Variants in EME2 observed in about 807,000 individuals in gnomAD.
EME2 encodes essential meiotic structure-specific endonuclease subunit 2.
Under a neutral mutation model 41.9 loss-of-function variants are expected in EME2, and 58 were observed. The observed-to-expected ratio is 1.38, with a 90% CI of 1.12 to 1.72. The LOEUF is 1.72. Ranked by LOEUF, EME2 falls within the 40% of genes most tolerant of loss-of-function variation. The pLI is 0.00. For synonymous variants in EME2, 334 were observed against 239.3 expected, an observed-to-expected ratio of 1.40 and a Z score of -3.65; for missense variants, 695 against 541.9, an observed-to-expected ratio of 1.28 and a Z score of -2.81.
chr16:1,778,153 G>T lies in EME2; in HGVS notation c.*1915G>T. On this transcript the variant is annotated 3_prime_UTR_variant, in exon 8 of 8. Coordinates refer to ENST00000568449, the MANE Select transcript of EME2 (RefSeq NM_001257370.2). ...ACTTACCATGTCGGTGCCGTAGACG[G>T]GAGAGGTCATCTTGATCTCCCAGAA... The T allele has an allele frequency of 6.2e-7, 1 of 1,612,754 alleles. No homozygotes were observed. The highest frequency in any genetic ancestry group is 8.5e-7 in the Non-Finnish European group (1 of 1,179,682).
chr16:1,774,877 C>CACAGAGCTGGTTTTCTCAGAAGGGGTA, intron 3 of EME2, 164 bp from the exon 4 acceptor site: 1 of 681,478 alleles, frequency 1.5e-6, no homozygotes, highest in Non-Finnish European at 2.6e-6. Context: ...TCGTGGGAGG[C>CACAGAGCTGGTTTTCTCAGAAGGGGTA]ACAGAGCTGG....
chr16:1,775,934 C>A lies in EME2; in HGVS notation c.917C>A (p.Ala306Asp). The A allele has an allele frequency of 1.4e-5, 22 of 1,611,856 alleles. No individual in the cohort carries two copies. The highest frequency in any genetic ancestry group is 1.9e-5 in the Non-Finnish European group (22 of 1,179,728). Residue 306 changes from alanine to aspartate, a missense_variant, in exon 7 of 8, where the codon GCC (alanine) becomes GAC (aspartate). Coordinates refer to ENST00000568449, the MANE Select transcript of EME2 (RefSeq NM_001257370.2). ...AGGCAGTTCAGTCGGGTCAGCCCAGCCGTGGCTGATGCAGTTGTCACAGCC... is the reference window on the plus strand; with the variant it reads ...AGGCAGTTCAGTCGGGTCAGCCCAGACGTGGCTGATGCAGTTGTCACAGCC... Reference protein sequence around the residue: ...QIRQFSRVSPAVADAVVTAFP... With the variant: ...QIRQFSRVSPDVADAVVTAFP...
Position 1,776,358 on chromosome 16 carries a change from C to T in EME2, c.*120C>T. ...AGCCTGGGTGGGTTCTCTGGCTGAG[C>T]AGGTCTGACCTCAGGGGAAGGGTGG... On this transcript the variant is annotated 3_prime_UTR_variant, in exon 8 of 8. Coordinates refer to ENST00000568449, the MANE Select transcript of EME2 (RefSeq NM_001257370.2). The T allele has an allele frequency of 2.1e-6, 2 of 952,814 alleles. No homozygotes were observed. The highest frequency in any genetic ancestry group is 3.2e-5 in the South Asian group (2 of 63,364). 59.0% of individuals were successfully genotyped at this position (952,814 alleles called of 1,614,324 possible).
Position 1,777,223 on chromosome 16 carries a change from G to C in EME2, c.*985G>C. 6.2e-7 allele frequency: 1 copy of C among 1,610,624 alleles called. No homozygotes were observed. The highest frequency in any genetic ancestry group is 8.5e-7 in the Non-Finnish European group (1 of 1,179,826). ...GGCTGCAACTCATGCTCAGGACCCA[G>C]CCCAGCTTGTTGTGTAGCACCTGCT... On this transcript the variant is annotated 3_prime_UTR_variant, in exon 8 of 8. Transcript: ENST00000568449.
Position 1,781,671 on chromosome 16 carries a change from A to G in EME2, c.*5433A>G. 1.6e-6 allele frequency: 1 copy of G among 634,498 alleles called. No homozygotes were observed. The highest frequency in any genetic ancestry group is 2.8e-5 in the East Asian group (1 of 36,032). 39.3% of individuals were successfully genotyped at this position (634,498 alleles called of 1,614,324 possible). On this transcript the variant is annotated 3_prime_UTR_variant, in exon 8 of 8. Transcript: ENST00000568449. Reference sequence around the variant, plus strand: ...CCTCACTCCAGGATCTGAGCAGCTCAATAAAACCCAGGTAGATCCTGTGAA... The same window carrying G: ...CCTCACTCCAGGATCTGAGCAGCTCGATAAAACCCAGGTAGATCCTGTGAA...
chr16:1,775,340 A>G lies in EME2; in HGVS notation c.595A>G (p.Thr199Ala), dbSNP rs2042694307. The G allele has an allele frequency of 6.2e-7, 1 of 1,610,794 alleles. No individual in the cohort carries two copies. The highest frequency in any genetic ancestry group is 1.3e-5 in the African/African-American group (1 of 74,928). ...LWSRQHVSRGTQQPESPKVAG... is the reference protein window; with the variant it reads ...LWSRQHVSRGAQQPESPKVAG... Reference sequence around the variant, plus strand: ...GTCTCGCCAGCACGTTTCCCGGGGGACACAGCAGCCAGAGAGCCCGAAGGT... The same window carrying G: ...GTCTCGCCAGCACGTTTCCCGGGGGGCACAGCAGCCAGAGAGCCCGAAGGT... The change falls in exon 5 of 8, where the codon ACA (threonine) becomes GCA (alanine). Residue 199 changes from threonine (T) to alanine (A), a missense_variant. By Grantham distance (58) the Thr-to-Ala change is moderately conservative. Transcript: ENST00000568449.
Position 1,775,138 on chromosome 16 carries a change from G to A in EME2, c.569+6G>A, listed in dbSNP as rs375734128. Reference sequence around the variant, plus strand: ...GGGCTGGATGCCTACCTGTGGTACCGCTCACTCTCATGCCCACAGCAGGGC... The same window carrying A: ...GGGCTGGATGCCTACCTGTGGTACCACTCACTCTCATGCCCACAGCAGGGC... On this transcript the variant is annotated splice_donor_region_variant and intron_variant, in intron 4 of 7. Transcript: ENST00000568449. 1.4e-5 allele frequency: 23 copies of A among 1,611,588 alleles called. No individual in the cohort carries two copies. The highest frequency in any genetic ancestry group is 8.3e-5 in the Admixed American group (5 of 60,008).
chr16:1,776,831 C>T lies in EME2; in HGVS notation c.*593C>T, dbSNP rs563352693. 3.2e-5 allele frequency: 17 copies of T among 530,148 alleles called. No homozygotes were observed. Among genetic ancestry groups the T allele is most frequent in the South Asian group, 7.9e-5 (3 of 37,796 alleles). 32.8% of individuals were successfully genotyped at this position (530,148 alleles called of 1,614,324 possible). A position where few individuals can be genotyped will look rare whatever the true frequency, so the allele number is the denominator to read the frequency against. ...CCGAGGCCCTGTGGGAACAGCAACGCGGGCTCCAGCCAGGCTCTCGTCCTC... is the reference window on the plus strand; with the variant it reads ...CCGAGGCCCTGTGGGAACAGCAACGTGGGCTCCAGCCAGGCTCTCGTCCTC... On this transcript the variant is annotated 3_prime_UTR_variant, in exon 8 of 8. Coordinates refer to ENST00000568449, the MANE Select transcript of EME2 (RefSeq NM_001257370.2).
At position 1,773,304 on chromosome 16, in the gene EME2, G is replaced by A. The variant is rs779987281; in HGVS notation, c.77G>A (p.Arg26Gln). 3.3e-5 allele frequency: 50 copies of A among 1,494,824 alleles called. No individual in the cohort carries two copies. The highest frequency in any genetic ancestry group is 4.3e-5 in the Non-Finnish European group (49 of 1,130,734). The allele number at this position is 1,494,824 out of a possible 1,614,324, so 92.6% of individuals were successfully genotyped here. The change falls in exon 1 of 8, where the codon CGG becomes CAG. Residue 26 changes from arginine to glutamine, a missense_variant. Coordinates refer to ENST00000568449, the MANE Select transcript of EME2 (RefSeq NM_001257370.2). ...CGGGGACGGGGCGGGAGCGGTCAGC[G>A]GCGACCTCCAACCTGGGAGATCTCA... ...RGRGRGGSGQ[R>Q]RPPTWEISDS...
rs765708572 is a variant in EME2, at chr16:1,778,071, G to A, written c.*1833G>A. On this transcript the variant is annotated 3_prime_UTR_variant, in exon 8 of 8. Transcript: ENST00000568449. ...CATCTAGGAACAGGGGCCAGGCAGA[G>A]GGCGCGGGGCTGGGCTGCCGGAGCC... 9 of 1,613,004 alleles carry A rather than the reference G, an allele frequency of 5.6e-6. No homozygotes were observed. In the Admixed American group the frequency reaches 8.3e-5, roughly 15 times the overall value.
Position 1,776,748 on chromosome 16 carries a change from C to G in EME2, c.*510C>G, listed in dbSNP as rs912893484. 3 of 394,510 alleles carry G rather than the reference C, an allele frequency of 7.6e-6. No homozygotes were observed. Among genetic ancestry groups the G allele is most frequent in the Non-Finnish European group, 1.4e-5 (3 of 216,820 alleles). The allele number at this position is 394,510 out of a possible 1,614,324, so 24.4% of individuals were successfully genotyped here. On this transcript the variant is annotated 3_prime_UTR_variant, in exon 8 of 8. Coordinates refer to ENST00000568449, the MANE Select transcript of EME2 (RefSeq NM_001257370.2). ...CATCAACTCTACATTTATTGCAGTC[C>G]TTTAAGTCTATGACGGCGGGGCAGC... is the stretch of plus-strand genomic sequence containing the variant.
At chr16:1,774,447 G>A (rs1425699033) in intron 3 of EME2, 95 bp downstream of exon 3, 1 of 978,888 alleles carries the variant, frequency 1.0e-6, no homozygotes, top group African/African-American at 1.6e-5. Flanking sequence ...CCTGTAGACG[G>A]GGCTGGAGGG....
intron 3 of EME2, 88 bp downstream of exon 3, chr16:1,774,440 G>C (rs762980340): frequency 2.8e-5 from 31 of 1,102,430 alleles, no homozygotes; most frequent in Non-Finnish European, 3.8e-5. Context: ...CCCTGCCCCT[G>C]TAGACGGGGC....
Position 1,775,570 on chromosome 16 carries a change from C to G in EME2, c.665C>G (p.Ala222Gly). Residue 222 changes from alanine to glycine, a missense_variant and splice_region_variant, in exon 6 of 8, where the codon GCC becomes GGC. Physicochemically the swap from Ala to Gly is moderately conservative, Grantham distance 60 (BLOSUM62 0). Coordinates refer to ENST00000568449, the MANE Select transcript of EME2 (RefSeq NM_001257370.2). ...VAVSWPEVEE[A>G]LVLLQLWANL... Reference sequence around the variant, plus strand: ...CCCATCAGCTTGCCTCCTCCCCAGGCCCTGGTACTCCTGCAGCTCTGGGCA... The same window carrying G: ...CCCATCAGCTTGCCTCCTCCCCAGGGCCTGGTACTCCTGCAGCTCTGGGCA... 1 of 1,612,904 alleles carries G rather than the reference C, an allele frequency of 6.2e-7. No individual in the cohort carries two copies. The highest frequency in any genetic ancestry group is 8.5e-7 in the Non-Finnish European group (1 of 1,179,944).
In EME2 at chr16:1,775,150, G is replaced by A. The variant is rs1197745671; in HGVS notation, c.569+18G>A. On this transcript the variant is annotated intron_variant, in intron 4 of 7. Coordinates refer to ENST00000568449, the MANE Select transcript of EME2 (RefSeq NM_001257370.2). Reference sequence around the variant, plus strand: ...TACCTGTGGTACCGCTCACTCTCATGCCCACAGCAGGGCTGGCTGGGACGG... The same window carrying A: ...TACCTGTGGTACCGCTCACTCTCATACCCACAGCAGGGCTGGCTGGGACGG... The A allele has an allele frequency of 1.9e-6, 3 of 1,610,970 alleles. No homozygotes were observed. The highest frequency in any genetic ancestry group is 1.1e-5 in the South Asian group (1 of 91,064).
intron 4 of EME2, 34 bp from the exon 5 acceptor site, chr16:1,775,281 T>C: frequency 6.2e-7 from 1 of 1,603,538 alleles, no homozygotes; most frequent in Non-Finnish European, 8.5e-7. Context: ...GCAGGCCCCA[T>C]GGGGAGCGGG....
At position 1,777,514 on chromosome 16, in the gene EME2, C is replaced by G; in HGVS notation, c.*1276C>G. The G allele has an allele frequency of 7.0e-7, 1 of 1,421,050 alleles. No individual in the cohort carries two copies. The highest frequency in any genetic ancestry group is 9.3e-7 in the Non-Finnish European group (1 of 1,080,124). The allele number at this position is 1,421,050 out of a possible 1,614,324, so 88.0% of individuals were successfully genotyped here. A position where few individuals can be genotyped will look rare whatever the true frequency, so the allele number is the denominator to read the frequency against. The stretch of plus-strand genomic sequence containing the variant: ...AGCTACTGGGCGCAGCCCCTCAGAC[C>G]TCACGCTACAGTCACCCGGGTGGGC... On this transcript the variant is annotated 3_prime_UTR_variant, in exon 8 of 8. Coordinates refer to ENST00000568449, the MANE Select transcript of EME2 (RefSeq NM_001257370.2).
intron 5 of EME2, 33 bp downstream of exon 5, chr16:1,775,441 G>A (rs2042696523): frequency 1.2e-6 from 2 of 1,607,662 alleles, no homozygotes; most frequent in South Asian, 2.2e-5. Flanking sequence ...TGAGTCAGGT[G>A]GCCTGGGTCC....
Position 1,778,092 on chromosome 16 carries a change from G to A in EME2, c.*1854G>A. 1 of 1,612,952 alleles carries A rather than the reference G, an allele frequency of 6.2e-7. No individual in the cohort carries two copies. ...CAGAGGGCGCGGGGCTGGGCTGCCG[G>A]AGCCAGGTTCCCCAGAAGCACCCTG... is the stretch of plus-strand genomic sequence containing the variant. On this transcript the variant is annotated 3_prime_UTR_variant, in exon 8 of 8. Coordinates refer to ENST00000568449, the MANE Select transcript of EME2 (RefSeq NM_001257370.2).
Sources: allele counts gnomAD v4.1 joint callset, GRCh38; gene constraint gnomAD v4.1.1; transcripts MANE v1.5; gene names NCBI Gene and HGNC (gene_info 2026-07-23, HGNC 2026-07-21).